GPR155: variants seen among roughly 807,000 people sequenced by gnomAD.
GPR155 encodes G protein-coupled receptor 155.
In GPR155, 65 loss-of-function variants were observed where a neutral mutation model predicts 93.1. The ratio of observed to expected loss-of-function variants is 0.70; its 90% CI spans 0.57 to 0.86. GPR155 has a LOEUF of 0.86. Among genes scored for constraint, GPR155 ranks in the 40% least tolerant of loss-of-function variants. The pLI, the probability that GPR155 is intolerant of heterozygous loss-of-function variation, is 0.00. For missense variants in GPR155, 838 were observed against 1,034.8 expected, an observed-to-expected ratio of 0.81 and a Z score of 2.61; for synonymous variants, 319 against 360.1, an observed-to-expected ratio of 0.89 and a Z score of 1.29.
rs1559109134 is a variant in GPR155, at chr2:174,460,153, C to CTT, written c.1561-66_1561-65insAA. 1.9e-3 allele frequency: 1,084 copies of CTT among 557,612 alleles called. 11 individuals are homozygous for CTT. The African/African-American group carries it at 0.026, about 13-fold the overall frequency. The allele number at this position is 557,612 out of a possible 1,614,324, so 34.5% of individuals were successfully genotyped here. On this transcript the variant is annotated intron_variant, in intron 9 of 15. Transcript: ENST00000392552. Reference sequence around the variant, plus strand: ...ACTTCATCTTGATAATCTTAGGGCACATTTTTTTTTTTTTTTTTTTTTTTT... The same window carrying CTT: ...ACTTCATCTTGATAATCTTAGGGCACTTATTTTTTTTTTTTTTTTTTTTTTTT...
rs1000768619 is a variant in GPR155 at position 174,447,495 on chromosome 2, G to A, written c.1877-748C>T. ...TGTTATAAATGTATATTATATATCAGTATATATTATAATCATATAAATTTA... is the reference window on the plus strand; with the variant it reads ...TGTTATAAATGTATATTATATATCAATATATATTATAATCATATAAATTTA... On this transcript the variant is annotated intron_variant, in intron 11 of 15. Coordinates refer to ENST00000392552, the MANE Select transcript of GPR155 (RefSeq NM_152529.7). 1.7e-4 allele frequency among the ~76,000 whole-genome samples: 25 copies of A among 143,348 alleles called. No homozygotes were observed. The East Asian group carries it at 1.8e-3, about 10-fold the overall frequency. The allele number at this position is 143,348 out of a possible 152,430, so 94.0% of individuals were successfully genotyped here. A position where few individuals can be genotyped will look rare whatever the true frequency, so the allele number is the denominator to read the frequency against.
At chr2:174,455,062 G>A (rs1210099825) in intron 10 of GPR155, among the ~76,000 whole-genome samples, 1 of 152,112 alleles carries the variant, frequency 6.6e-6, no homozygotes, top group Admixed American at 6.6e-5. Flanking sequence ...AGAGGATTTT[G>A]TATGTTCCTA....
intron 11 of GPR155, among the ~76,000 whole-genome samples, chr2:174,448,846 G>C (rs1416532417): frequency 2.6e-5 from 4 of 152,124 alleles, no homozygotes; most frequent in Non-Finnish European, 5.9e-5. Flanking sequence ...CTACTGGGAA[G>C]TTTTAAGGTA....
intron 2 of GPR155, among the ~76,000 whole-genome samples, chr2:174,479,779 A>G (rs777335343): frequency 6.6e-6 from 1 of 152,194 alleles, no homozygotes; most frequent in African/African-American, 2.4e-5. Flanking sequence ...AATTCTCCTG[A>G]GGAAATGGAC....
chr2:174,444,414 T>C (rs1687054059), intron 13 of GPR155, among the ~76,000 whole-genome samples: 2 of 100,492 alleles, frequency 2.0e-5, no homozygotes, highest in Admixed American at 2.2e-4. Flanking sequence ...AAACTCCGTC[T>C]CAAAAAAAAA....
chr2:174,453,682 A>G, intron 11 of GPR155, 55 bp downstream of exon 11: 1 of 805,494 alleles, frequency 1.2e-6, no homozygotes, highest in East Asian at 2.5e-5. Flanking sequence ...AAAAAAAAAA[A>G]GAATAAGGAA....
chr2:174,454,625 A>AGAAGGAAG (rs750579777), intron 10 of GPR155, among the ~76,000 whole-genome samples: 2 of 141,936 alleles, frequency 1.4e-5, no homozygotes, highest in African/African-American at 5.1e-5. Context: ...GCCTGGGGAA[A>AGAAGGAAG]GAAGGAAGGA....
At chr2:174,472,093 T>G (rs1390330920) in intron 3 of GPR155, among the ~76,000 whole-genome samples, 2 of 152,170 alleles carry the variant, frequency 1.3e-5, no homozygotes, top group African/African-American at 4.8e-5. Context: ...ATGGACCAAG[T>G]AAGCTGAAGA....
intron 14 of GPR155, among the ~76,000 whole-genome samples, chr2:174,440,850 C>A (rs1367354106): frequency 6.6e-6 from 1 of 152,158 alleles, no homozygotes; most frequent in African/African-American, 2.4e-5. Flanking sequence ...AAACCCTTCA[C>A]TAAGCTGATA....
At chr2:174,448,937 CAGAGT>C (rs1687238353) in intron 11 of GPR155, among the ~76,000 whole-genome samples, 1 of 152,148 alleles carries the variant, frequency 6.6e-6, no homozygotes, top group East Asian at 1.9e-4. Context: ...AAACTATGAA[CAGAGT>C]AGACAGACAA....
chr2:174,455,895 C>T (rs979585989), intron 10 of GPR155, among the ~76,000 whole-genome samples: 2 of 152,108 alleles, frequency 1.3e-5, no homozygotes, highest in African/African-American at 4.8e-5. Flanking sequence ...GGCTGGAGTG[C>T]AGTGGCACAA....
intron 1 of GPR155, among the ~76,000 whole-genome samples, chr2:174,484,071 G>T (rs576562157): frequency 6.6e-6 from 1 of 152,166 alleles, no homozygotes; most frequent in Non-Finnish European, 1.5e-5. Flanking sequence ...TAGCTGGCGT[G>T]GGTACAAGGG....
chr2:174,476,917 T>C (rs967204500), intron 2 of GPR155, among the ~76,000 whole-genome samples: 1 of 152,206 alleles, frequency 6.6e-6, no homozygotes, highest in Non-Finnish European at 1.5e-5. Context: ...TGGTATTCTG[T>C]AGTACTTTGT....
At chr2:174,467,747 T>A (rs1454597457) in intron 5 of GPR155, among the ~76,000 whole-genome samples, 1 of 152,192 alleles carries the variant, frequency 6.6e-6, no homozygotes, top group Non-Finnish European at 1.5e-5. Context: ...ATTCTTCATT[T>A]TTTATTCTTT....
chr2:174,469,492 C>A (rs1405484986), intron 4 of GPR155, among the ~76,000 whole-genome samples: 1 of 152,124 alleles, frequency 6.6e-6, no homozygotes, highest in Non-Finnish European at 1.5e-5. Flanking sequence ...CTCCATTAAA[C>A]AACTTAGTTC....
At chr2:174,477,165 C>A (rs1183362144) in intron 2 of GPR155, among the ~76,000 whole-genome samples, 1 of 151,890 alleles carries the variant, frequency 6.6e-6, no homozygotes, top group East Asian at 1.9e-4. Flanking sequence ...TTTATTTTTA[C>A]TTTTAAAACT....
chr2:174,460,440 G>A (rs1186080007), intron 9 of GPR155, among the ~76,000 whole-genome samples: 5 of 151,874 alleles, frequency 3.3e-5, no homozygotes, highest in African/African-American at 1.2e-4. Context: ...GGGATTACAG[G>A]TGTAAGCCAC....
At chr2:174,459,665 C>T (rs555309300) in intron 10 of GPR155, among the ~76,000 whole-genome samples, 1 of 151,966 alleles carries the variant, frequency 6.6e-6, no homozygotes, top group Non-Finnish European at 1.5e-5. Context: ...GGCAACATGG[C>T]GAAACCCCAT....
intron 13 of GPR155, among the ~76,000 whole-genome samples, chr2:174,444,140 G>A (rs563403135): frequency 6.6e-6 from 1 of 152,094 alleles, no homozygotes; most frequent in African/African-American, 2.4e-5. Flanking sequence ...GAGATGGCCG[G>A]GTGTGGTGGC....
Sources: gnomAD v4.1 joint callset for allele counts (sites outside exome capture counted in the v4.1 genomes callset) on GRCh38, gnomAD v4.1.1 for gene constraint, MANE v1.5 for transcripts, NCBI Gene and HGNC (gene_info 2026-07-23, HGNC 2026-07-21) for gene names.